Variants in ST14 observed in about 807,000 individuals in gnomAD.
ST14 encodes the protein ST14 transmembrane serine protease matriptase, also known as suppressor of tumorigenicity 14 protein.
In ST14, 40 loss-of-function variants were observed where a neutral mutation model predicts 96.5. The observed-to-expected ratio is 0.41, with a 90% CI of 0.32 to 0.54. ST14 has a LOEUF of 0.54. Among genes scored for constraint, ST14 ranks in the 20% least tolerant of loss-of-function variants. ST14 has a pLI of 0.17. For synonymous variants in ST14, 506 were observed against 492.1 expected (o/e 1.03, Z -0.37); for missense variants, 1,066 against 1,188.9 (o/e 0.90, Z 1.52).
chr11:130,172,449 A>G (rs1953101175), intron 1 of ST14, among the ~76,000 whole-genome samples: 1 of 120,522 alleles, frequency 8.3e-6, no homozygotes, highest in Admixed American at 1.1e-4. Context: ...ACAGAGTCTC[A>G]GTCTGCCACC....
At chr11:130,186,844 A>G (rs1159677849) in intron 1 of ST14, among the ~76,000 whole-genome samples, 2 of 152,242 alleles carry the variant, frequency 1.3e-5, no homozygotes, top group African/African-American at 2.4e-5. Flanking sequence ...TTAGAAATAT[A>G]GAGACAGACT....
At chr11:130,209,315 C>T in intron 17 of ST14, 127 bp from the exon 18 acceptor site, 1 of 1,272,468 alleles carries the variant, frequency 7.9e-7, no homozygotes. Flanking sequence ...CGCGGATTAC[C>T]CGTTTGTCAG....
At chr11:130,201,168 C>T (rs1041778870) in intron 16 of ST14, among the ~76,000 whole-genome samples, 2 of 152,244 alleles carry the variant, frequency 1.3e-5, no homozygotes, top group Admixed American at 1.3e-4. Context: ...CATGGGCATC[C>T]CAGGAACAGG....
Position 130,188,697 on chromosome 11 carries a change from G to C in ST14, c.369+40G>C. ...CCCAGAGTCCTGCTGGGCTGTGTGCGCTGGTGTCCCACCTGCTGGGCAGGA... is the reference window on the plus strand; with the variant it reads ...CCCAGAGTCCTGCTGGGCTGTGTGCCCTGGTGTCCCACCTGCTGGGCAGGA... On this transcript the variant is annotated intron_variant, in intron 3 of 18. Coordinates refer to ENST00000278742, the MANE Select transcript of ST14 (RefSeq NM_021978.4). The surrounding 1 kb of genome is among the most constrained non-coding windows in gnomAD (Gnocchi z 5.4). The C allele has an allele frequency of 6.2e-7, 1 of 1,613,906 alleles. No homozygotes were observed. Among genetic ancestry groups the C allele is most frequent in the African/African-American group, 1.3e-5 (1 of 75,056 alleles).
At chr11:130,196,536 T>C in intron 10 of ST14, 34 bp from the exon 11 acceptor site, 1 of 1,537,448 alleles carries the variant, frequency 6.5e-7, no homozygotes. Context: ...CTCCCAGCTG[T>C]CCCTCCTCAC....
intron 1 of ST14, among the ~76,000 whole-genome samples, chr11:130,171,571 G>C (rs934690600): frequency 6.6e-6 from 1 of 152,080 alleles, no homozygotes; most frequent in Non-Finnish European, 1.5e-5. Flanking sequence ...CTGCAATATT[G>C]GGGGGGTCTC....
intron 16 of ST14, among the ~76,000 whole-genome samples, chr11:130,202,715 C>A (rs559866624): frequency 2.0e-5 from 3 of 152,292 alleles, no homozygotes; most frequent in African/African-American, 7.2e-5. Flanking sequence ...CATCACGTTG[C>A]GGTTAAATGC....
chr11:130,162,540 T>G (rs996672287), intron 1 of ST14, among the ~76,000 whole-genome samples: 3 of 152,140 alleles, frequency 2.0e-5, no homozygotes, highest in African/African-American at 7.2e-5. Context: ...AAATCAGATG[T>G]CTAGGGGCCA....
intron 7 of ST14, among the ~76,000 whole-genome samples, chr11:130,191,398 G>A: frequency 6.6e-6 from 1 of 151,962 alleles, no homozygotes; most frequent in East Asian, 1.9e-4. Context: ...GTAAGCAAGA[G>A]CCTTTTATGG....
At position 130,194,191 on chromosome 11, in the gene ST14, C is replaced by G; in HGVS notation, c.918C>G (p.His306Gln). Residue 306 changes from histidine (H) to glutamine (Q), a missense_variant, in exon 8 of 19, where the codon CAC becomes CAG. By Grantham distance (24) the His-to-Gln change is conservative (BLOSUM62 0). Transcript: ENST00000278742. ...TYPPSYNLTF[H>Q]SSQNVLLITL... ...CTCCCTCCTACAACCTGACCTTCCA[C>G]TCCTCCCAGAACGTCCTGCTCATCA... 6.2e-7 allele frequency: 1 copy of G among 1,614,240 alleles called. No homozygotes were observed. Among genetic ancestry groups the G allele is most frequent in the Admixed American group, 1.7e-5 (1 of 60,032 alleles).
At chr11:130,197,413 C>T (rs535860234) in intron 11 of ST14, among the ~76,000 whole-genome samples, 6 of 152,258 alleles carry the variant, frequency 3.9e-5, no homozygotes, top group Non-Finnish European at 8.8e-5. Flanking sequence ...GAAGGAAGTG[C>T]GCGATGCCGC....
intron 8 of ST14, 113 bp from the exon 9 acceptor site, chr11:130,194,527 C>G: frequency 8.2e-7 from 1 of 1,217,556 alleles, no homozygotes; most frequent in Non-Finnish European, 1.2e-6. Flanking sequence ...ACCTGCTGTG[C>G]AGCATCCACG....
At chr11:130,190,797 CA>C in intron 7 of ST14, 103 bp downstream of exon 7, 4 of 1,361,994 alleles carry the variant, frequency 2.9e-6, no homozygotes, top group Non-Finnish European at 3.9e-6. Context: ...CTCTTGGCCG[CA>C]GGCCACTGCT....
chr11:130,198,299 C>T lies in ST14; in HGVS notation c.1460-9C>T. On this transcript the variant is annotated splice_polypyrimidine_tract_variant and intron_variant, in intron 12 of 18. Coordinates refer to ENST00000278742, the MANE Select transcript of ST14 (RefSeq NM_021978.4). ...GCCTCACGGCCGACCTCCCCTTACC[C>T]CACTCCAGGTTGCGACGCCGGCCAC... 6.2e-7 allele frequency: 1 copy of T among 1,613,630 alleles called. No homozygotes were observed. Among genetic ancestry groups the T allele is most frequent in the Non-Finnish European group, 8.5e-7 (1 of 1,179,566 alleles).
In ST14 at chr11:130,209,955, C is replaced by G; in HGVS notation, c.*132C>G. 1 of 1,129,774 alleles carries G rather than the reference C, an allele frequency of 8.9e-7. No homozygotes were observed. Among genetic ancestry groups the G allele is most frequent in the Non-Finnish European group, 1.2e-6 (1 of 802,880 alleles). 70.0% of individuals were successfully genotyped at this position (1,129,774 alleles called of 1,614,324 possible). A position where few individuals can be genotyped will look rare whatever the true frequency, so the allele number is the denominator to read the frequency against. On this transcript the variant is annotated 3_prime_UTR_variant, in exon 19 of 19. Transcript: ENST00000278742. ...AGAACATACACTGTGAACTCAATCT[C>G]CAGGGCTCCAAATCTGCCTAGAAAA...
intron 11 of ST14, among the ~76,000 whole-genome samples, chr11:130,197,620 C>T (rs779468818): frequency 5.9e-5 from 9 of 152,218 alleles, no homozygotes; most frequent in Non-Finnish European, 1.3e-4. Context: ...CCCTGCCAGC[C>T]CAGGTTGGGG....
Position 130,208,622 on chromosome 11 carries a change from C to T in ST14, c.2207C>T (p.Ser736Phe), listed in dbSNP as rs759557921. Residue 736 changes from serine to phenylalanine, a missense_variant, in exon 17 of 19, where the codon TCC (serine) becomes TTC (phenylalanine). Ser to Phe is a radical substitution (Grantham distance 155, BLOSUM62 -2). Transcript: ENST00000278742. ...CGGCCCATCTGCCTGCCGGACGCCT[C>T]CCATGTCTTCCCTGCCGGCAAGGCC... ...MVRPICLPDA[S>F]HVFPAGKAIW... is the part of the protein sequence containing the mutation. The T allele has an allele frequency of 3.5e-5, 56 of 1,614,018 alleles. No individual in the cohort carries two copies. The highest frequency in any genetic ancestry group is 3.1e-4 in the African/African-American group (23 of 75,070).
At chr11:130,175,299 G>A (rs1953125629) in intron 1 of ST14, among the ~76,000 whole-genome samples, 1 of 151,900 alleles carries the variant, frequency 6.6e-6, no homozygotes, top group South Asian at 2.1e-4. Flanking sequence ...TGGCTGATTG[G>A]TGGGTTTTTT....
chr11:130,194,498 C>T, intron 8 of ST14, 142 bp from the exon 9 acceptor site: 1 of 1,125,434 alleles, frequency 8.9e-7, no homozygotes, highest in Non-Finnish European at 1.3e-6. Context: ...CACCCGGCAC[C>T]TGGCCTTCCT....
Sources: gnomAD v4.1 joint callset for allele counts (sites outside exome capture counted in the v4.1 genomes callset) on GRCh38, gnomAD v4.1.1 for gene constraint, Gnocchi (gnomAD v3.1) non-coding constraint, MANE v1.5 for transcripts, NCBI Gene and HGNC (gene_info 2026-07-23, HGNC 2026-07-21) for gene names.